The following TP53I13 variants were observed in gnomAD, a reference collection of about 807,000 sequenced individuals.
TP53I13 encodes tumor protein p53 inducible protein 13.
In TP53I13, 27 loss-of-function variants were observed where a neutral mutation model predicts 39.1. The ratio of observed to expected loss-of-function variants is 0.69; its 90% CI spans 0.51 to 0.95. TP53I13 has a LOEUF of 0.95. Among genes scored for constraint, TP53I13 ranks in the 40% least tolerant of loss-of-function variants. The pLI, the probability that TP53I13 is intolerant of heterozygous loss-of-function variation, is 0.00. For missense variants in TP53I13, 544 were observed against 520.4 expected, an observed-to-expected ratio of 1.05 and a Z score of -0.44; for synonymous variants, 230 against 224.6, an observed-to-expected ratio of 1.02 and a Z score of -0.22.
downstream of TP53I13, chr17:29,576,647 C>T (rs569157701): frequency 5.6e-6 from 9 of 1,613,868 alleles, no homozygotes; most frequent in African/African-American, 2.7e-5. Context: ...GTCACAGCCC[C>T]GTCAGACAAG....
downstream of TP53I13, chr17:29,576,490 G>A (rs1416718469): frequency 6.2e-7 from 1 of 1,613,262 alleles, no homozygotes; most frequent in South Asian, 1.1e-5. Context: ...GGAGTCCTGG[G>A]GCTCCCCCTC....
At chr17:29,581,615 G>A in the TP53I13 span, 1 of 756,540 alleles carries the variant, frequency 1.3e-6, no homozygotes. The surrounding 1 kb of genome is among the most constrained non-coding windows in gnomAD (Gnocchi z 4.8). Context: ...ACAGGAGCCA[G>A]TTGCCTAGCA....
In TP53I13 at chr17:29,568,860, G is replaced by T; in HGVS notation, c.72+30G>T. 1.9e-6 allele frequency: 3 copies of T among 1,599,730 alleles called. No homozygotes were observed. The highest frequency in any genetic ancestry group is 1.7e-5 in the Admixed American group (1 of 59,878). On this transcript the variant is annotated intron_variant, in intron 1 of 6. Transcript: ENST00000301057. The surrounding 1 kb of genome is among the most constrained non-coding windows in gnomAD (Gnocchi z 4.5). ...GGTGACCCGCTCCTGGGAAGGCCTCGGCCCGCGAGCTCAAAGCGCTTTGCC... is the reference window on the plus strand; with the variant it reads ...GGTGACCCGCTCCTGGGAAGGCCTCTGCCCGCGAGCTCAAAGCGCTTTGCC...
At chr17:29,575,962 T>C, downstream of TP53I13, 1 of 1,514,330 alleles carries the variant, frequency 6.6e-7, no homozygotes, top group Non-Finnish European at 9.1e-7. This position sits in a 1 kb window ranked among gnomAD's most constrained non-coding sequence, Gnocchi z 5.5. Context: ...TCACCAGCAG[T>C]GCAGCAGGGA....
At chr17:29,566,954 C>A, upstream of TP53I13, 1 of 1,386,948 alleles carries the variant, frequency 7.2e-7, no homozygotes, top group South Asian at 1.6e-5. Context: ...AGGGCGGCGC[C>A]CCACGGCGGC....
downstream of TP53I13, chr17:29,576,842 G>A (rs777223652): frequency 2.5e-6 from 4 of 1,577,736 alleles, no homozygotes; most frequent in Non-Finnish European, 3.4e-6. Context: ...AGGGGAGTGG[G>A]AAGGAGGGTG....
intron 3 of TP53I13, 39 bp downstream of exon 3, chr17:29,569,398 G>C (rs1303424245): frequency 1.2e-6 from 2 of 1,606,332 alleles, no homozygotes; most frequent in East Asian, 4.5e-5. Flanking sequence ...TGGTGTCCAC[G>C]CCTGGAGACA....
chr17:29,575,438 T>C (rs1482277920), downstream of TP53I13: 4 of 1,612,010 alleles, frequency 2.5e-6, no homozygotes, highest in Admixed American at 1.7e-5. The surrounding 1 kb of genome is among the most constrained non-coding windows in gnomAD (Gnocchi z 5.5). Flanking sequence ...GTCTTCCTCT[T>C]TGCCCAGCTC....
the TP53I13 span, chr17:29,578,497 C>T: frequency 1.1e-6 from 1 of 915,954 alleles, no homozygotes; most frequent in South Asian, 1.3e-5. Flanking sequence ...CCCCTACAGT[C>T]TCAGAATGGG....
chr17:29,574,433 G>A (rs907796196), downstream of TP53I13: 1 of 503,786 alleles, frequency 2.0e-6, no homozygotes, highest in South Asian at 2.2e-5. Context: ...GTGATGCCTT[G>A]CAGGCCCCTG....
In TP53I13 at chr17:29,572,950, T is replaced by C; in HGVS notation, c.*26T>C. On this transcript the variant is annotated 3_prime_UTR_variant, in exon 7 of 7. Coordinates refer to ENST00000301057, the MANE Select transcript of TP53I13 (RefSeq NM_138349.4). ...CGGCCTGGGACCTGCCACTGTGGCG[T>C]GCGGCTCCTCCCCGCGCCGCGAGGC... 5 of 1,397,034 alleles carry C rather than the reference T, an allele frequency of 3.6e-6. No individual in the cohort carries two copies. Among genetic ancestry groups the C allele is most frequent in the East Asian group, 3.0e-5 (1 of 33,698 alleles). The allele number at this position is 1,397,034 out of a possible 1,614,324, so 86.5% of individuals were successfully genotyped here.
rs1462850911 is a variant in TP53I13, at chr17:29,572,872, C to T, written c.1130C>T (p.Pro377Leu). 6 of 1,520,370 alleles carry T rather than the reference C, an allele frequency of 3.9e-6. No individual in the cohort carries two copies. Among genetic ancestry groups the T allele is most frequent in the Non-Finnish European group, 5.3e-6 (6 of 1,141,316 alleles). The allele number at this position is 1,520,370 out of a possible 1,614,324, so 94.2% of individuals were successfully genotyped here. A position where few individuals can be genotyped will look rare whatever the true frequency, so the allele number is the denominator to read the frequency against. ...CGGGTCAAGCGCTCGCGCCGGAGAC[C>T]CCTCCTCCCGCCCACGCCGGACAGC... ...SRRVKRSRRR[P>L]LLPPTPDSGP... The change falls in exon 7 of 7, where the codon CCC (proline) becomes CTC (leucine). Residue 377 changes from proline to leucine, a missense_variant. Coordinates refer to ENST00000301057, the MANE Select transcript of TP53I13 (RefSeq NM_138349.4).
chr17:29,570,335 C>T, intron 3 of TP53I13: 1 of 151,134 alleles, frequency 6.6e-6, no homozygotes, highest in Non-Finnish European at 1.5e-5. Flanking sequence ...TGGTGAAACC[C>T]TGTCTCTACT....
chr17:29,578,704 G>A, the TP53I13 span: 1 of 1,603,812 alleles, frequency 6.2e-7, no homozygotes, highest in Non-Finnish European at 8.5e-7. Flanking sequence ...AGCTTCAAGT[G>A]TCAGGGCACT....
At chr17:29,581,584 C>A in the TP53I13 span, 1 of 699,344 alleles carries the variant, frequency 1.4e-6, no homozygotes, top group East Asian at 2.7e-5. The surrounding 1 kb of genome is among the most constrained non-coding windows in gnomAD (Gnocchi z 4.8). Context: ...GATGCTATGG[C>A]CCAGAGCCTG....
chr17:29,566,356 G>A (rs1414497479), upstream of TP53I13: 15 of 1,611,022 alleles, frequency 9.3e-6, no homozygotes, highest in Non-Finnish European at 1.3e-5. Flanking sequence ...CTGCAGCCGG[G>A]GGCTGACCAG....
chr17:29,567,447 G>A (rs944235814), upstream of TP53I13: 1 of 151,936 alleles, frequency 6.6e-6, no homozygotes, highest in Non-Finnish European at 1.5e-5. The surrounding 1 kb of genome is among the most constrained non-coding windows in gnomAD (Gnocchi z 6.6). Flanking sequence ...CGGCTCCCGG[G>A]ACCCCGTGGG....
chr17:29,581,012 C>G, the TP53I13 span: 8 of 343,968 alleles, frequency 2.3e-5, no homozygotes, highest in Non-Finnish European at 4.5e-5. The surrounding 1 kb of genome is among the most constrained non-coding windows in gnomAD (Gnocchi z 4.8). Context: ...CTCCCGACCT[C>G]AGGTGATCCG....
chr17:29,575,279 A>G, downstream of TP53I13: 1 of 1,606,380 alleles, frequency 6.2e-7, no homozygotes, highest in Non-Finnish European at 8.5e-7. This position sits in a 1 kb window ranked among gnomAD's most constrained non-coding sequence, Gnocchi z 5.5. Flanking sequence ...CTCCCCCTCC[A>G]CTCAGTACCT....
Sources: allele counts gnomAD v4.1 joint callset, GRCh38; gene constraint gnomAD v4.1.1; non-coding constraint Gnocchi (gnomAD v3.1); transcripts MANE v1.5; gene names NCBI Gene and HGNC (gene_info 2026-07-23, HGNC 2026-07-21).